KCNIP4: variants seen among roughly 807,000 people sequenced by gnomAD.
KCNIP4 encodes Kv channel-interacting protein 4.
In KCNIP4, 12 loss-of-function variants were observed where a neutral mutation model predicts 34.0. The ratio of observed to expected loss-of-function variants is 0.35; its 90% CI spans 0.23 to 0.57. The LOEUF (loss-of-function observed/expected upper bound fraction) is 0.57. Among genes scored for constraint, KCNIP4 ranks in the 20% least tolerant of loss-of-function variants. The pLI, the probability that KCNIP4 is intolerant of heterozygous loss-of-function variation, is 0.83. For missense variants in KCNIP4, 238 were observed against 311.7 expected, an observed-to-expected ratio of 0.76 and a Z score of 1.78; for synonymous variants, 124 against 102.2, an observed-to-expected ratio of 1.21 and a Z score of -1.29.
intron 1 of KCNIP4, among the ~76,000 whole-genome samples, chr4:21,165,469 A>G (rs1192438101): frequency 2.0e-5 from 3 of 148,660 alleles, no homozygotes; most frequent in Non-Finnish European, 4.5e-5. Context: ...AAAAAAAAAA[A>G]AAAAAAGAAA....
At chr4:20,986,606 A>G (rs1736601906) in intron 1 of KCNIP4, among the ~76,000 whole-genome samples, 1 of 152,232 alleles carries the variant, frequency 6.6e-6, no homozygotes, top group Admixed American at 6.5e-5. Context: ...TCACATGGTT[A>G]GAAAACCCAG....
intron 1 of KCNIP4, among the ~76,000 whole-genome samples, chr4:21,645,226 T>C (rs1018297825): frequency 6.6e-6 from 1 of 152,158 alleles, no homozygotes; most frequent in Non-Finnish European, 1.5e-5. Context: ...TGTACCATTA[T>C]TTCTCCTATG....
In KCNIP4 at chr4:20,898,671, A is replaced by ATTAC. The variant is rs1726824007; in HGVS notation, c.62-15963_62-15962insGTAA. Among the ~76,000 whole-genome samples, 5 of 152,224 alleles carry ATTAC rather than the reference A, an allele frequency of 3.3e-5. No individual in the cohort carries two copies. The South Asian group carries it at 1.0e-3, about 32-fold the overall frequency. On this transcript the variant is annotated intron_variant, in intron 1 of 8. Transcript: ENST00000382152. ...TATCTAGCACCTAAGTATCTGGGAC[A>ATTAC]TAGTAGAGTCTCAATTGAAGAAACT...
chr4:21,535,718 C>T (rs1560496657), intron 1 of KCNIP4, among the ~76,000 whole-genome samples: 1 of 152,144 alleles, frequency 6.6e-6, no homozygotes, highest in Non-Finnish European at 1.5e-5. Context: ...ATGAAATGTG[C>T]TCCATAGTTT....
chr4:21,111,727 G>C (rs917100762), intron 1 of KCNIP4, among the ~76,000 whole-genome samples: 2 of 152,154 alleles, frequency 1.3e-5, no homozygotes, highest in Non-Finnish European at 2.9e-5. Flanking sequence ...GTCAGGGGTG[G>C]CTCAGAGTGC....
At chr4:21,351,272 A>C (rs1424536753) in intron 1 of KCNIP4, among the ~76,000 whole-genome samples, 1 of 152,092 alleles carries the variant, frequency 6.6e-6, no homozygotes, top group Non-Finnish European at 1.5e-5. Flanking sequence ...AATAATCCCC[A>C]CATGTCGTAG....
At chr4:21,020,611 A>C (rs180977815) in intron 1 of KCNIP4, among the ~76,000 whole-genome samples, 72 of 152,266 alleles carry the variant, frequency 4.7e-4, no homozygotes, top group Admixed American at 1.7e-3. Flanking sequence ...CTTCGGCTAT[A>C]TGAGCTTGCT....
intron 1 of KCNIP4, among the ~76,000 whole-genome samples, chr4:21,512,860 C>A (rs1363318419): frequency 6.6e-6 from 1 of 152,108 alleles, no homozygotes; most frequent in Non-Finnish European, 1.5e-5. Flanking sequence ...AAAGAATGTC[C>A]AGTTAATTGC....
intron 1 of KCNIP4, among the ~76,000 whole-genome samples, chr4:20,899,665 T>A (rs1726951417): frequency 6.6e-6 from 1 of 152,146 alleles, no homozygotes; most frequent in Non-Finnish European, 1.5e-5. Flanking sequence ...AATACACAAG[T>A]TTTTGTTACA....
chr4:21,234,909 A>C (rs1021773876), intron 1 of KCNIP4, among the ~76,000 whole-genome samples: 13 of 151,992 alleles, frequency 8.6e-5, no homozygotes, highest in Non-Finnish European at 1.3e-4. Context: ...CGGCCTCCCA[A>C]AGTGTTGGGA....
intron 1 of KCNIP4, among the ~76,000 whole-genome samples, chr4:21,004,322 G>A (rs1294551470): frequency 6.6e-6 from 1 of 152,086 alleles, no homozygotes; most frequent in Admixed American, 6.5e-5. Flanking sequence ...AGAAAGGAGA[G>A]AGTATATGGG....
chr4:21,411,777 G>T (rs1362656857), intron 1 of KCNIP4, among the ~76,000 whole-genome samples: 1 of 152,168 alleles, frequency 6.6e-6, no homozygotes, highest in African/African-American at 2.4e-5. Flanking sequence ...GGTTGAGGCT[G>T]CAGTGAGCCG....
At chr4:21,040,087 A>G (rs28618224) in intron 1 of KCNIP4, among the ~76,000 whole-genome samples, 3 of 152,048 alleles carry the variant, frequency 2.0e-5, no homozygotes. Flanking sequence ...CTCACTCACC[A>G]TCTCAAGAAC....
At chr4:20,951,153 T>G (rs1221902597) in intron 1 of KCNIP4, among the ~76,000 whole-genome samples, 1 of 152,034 alleles carries the variant, frequency 6.6e-6, no homozygotes, top group Non-Finnish European at 1.5e-5. Context: ...CACCTATACA[T>G]GCATAGAAGG....
chr4:21,153,931 C>T lies in KCNIP4; in HGVS notation c.62-271222G>A, dbSNP rs549045951. Among the ~76,000 whole-genome samples, 221 of 151,566 alleles carry T rather than the reference C, an allele frequency of 1.5e-3. 7 individuals carry two copies. The highest frequency in any genetic ancestry group is 0.011 in the South Asian group (55 of 4,786). On this transcript the variant is annotated intron_variant, in intron 1 of 8. Transcript: ENST00000382152. ...GAGACTTACAGCCAAACACCCACAC[C>T]GTAACTCAAGGATTTACACTGGTCA...
chr4:21,052,150 C>T (rs1157882768), intron 1 of KCNIP4, among the ~76,000 whole-genome samples: 1 of 152,160 alleles, frequency 6.6e-6, no homozygotes, highest in East Asian at 1.9e-4. Flanking sequence ...TATTCCCTCC[C>T]ATCCATGATT....
chr4:21,683,069 G>A (rs1750506404), intron 1 of KCNIP4, among the ~76,000 whole-genome samples: 1 of 152,196 alleles, frequency 6.6e-6, no homozygotes, highest in African/African-American at 2.4e-5. Flanking sequence ...TATCTGAGAA[G>A]TGCAATAAAG....
intron 1 of KCNIP4, among the ~76,000 whole-genome samples, chr4:21,769,612 C>G (rs1411212673): frequency 6.6e-6 from 1 of 151,952 alleles, no homozygotes; most frequent in Non-Finnish European, 1.5e-5. Context: ...GATATTTTTC[C>G]TGTGGCAGTT....
At chr4:21,499,417 A>G (rs28507957) in intron 1 of KCNIP4, among the ~76,000 whole-genome samples, 5,613 of 151,848 alleles carry the variant, frequency 0.037, 308 homozygotes, top group African/African-American at 0.12. Flanking sequence ...CTTGAACAAT[A>G]CTACATATGC....
Sources: allele counts gnomAD v4.1 joint callset (sites outside exome capture counted in the v4.1 genomes callset), GRCh38; gene constraint gnomAD v4.1.1; transcripts MANE v1.5; gene names NCBI Gene and HGNC (gene_info 2026-07-23, HGNC 2026-07-21).